RAD51B: variants seen among roughly 807,000 people sequenced by gnomAD.
RAD51B encodes the protein RAD51 paralog B, also known as DNA repair protein RAD51 homolog 2.
In RAD51B, 38 loss-of-function variants were observed where a neutral mutation model predicts 42.2. The observed-to-expected ratio is 0.90, with a 90% CI of 0.70 to 1.18. RAD51B has a LOEUF of 1.18. Ranked by LOEUF, RAD51B falls within the 50% of genes most tolerant of loss-of-function variation. RAD51B has a pLI of 0.00. For missense variants in RAD51B, 373 were observed against 400.7 expected (o/e 0.93, Z 0.59); for synonymous variants, 154 against 145.2 (o/e 1.06, Z -0.43).
chr14:68,366,227 C>G (rs910238240), intron 8 of RAD51B, among the ~76,000 whole-genome samples: 2 of 152,140 alleles, frequency 1.3e-5, no homozygotes, highest in Non-Finnish European at 2.9e-5. Context: ...TTATTCTCAA[C>G]TAAAGTACTG....
intron 7 of RAD51B, among the ~76,000 whole-genome samples, chr14:68,119,267 CTT>C (rs111645280): frequency 2.1e-4 from 28 of 134,972 alleles, no homozygotes; most frequent in African/African-American, 3.8e-4. Context: ...ATGTTAATTT[CTT>C]TTTTTTTTTT....
intron 9 of RAD51B, among the ~76,000 whole-genome samples, chr14:68,416,430 C>A (rs147093581): frequency 6.6e-6 from 1 of 152,088 alleles, no homozygotes; most frequent in African/African-American, 2.4e-5. Flanking sequence ...TGCATACCCT[C>A]AAATGTAAGG....
chr14:68,507,205 TAG>T (rs1464458277), intron 10 of RAD51B, among the ~76,000 whole-genome samples: 1 of 152,136 alleles, frequency 6.6e-6, no homozygotes, highest in Non-Finnish European at 1.5e-5. Context: ...GCTCTAATTT[TAG>T]AATGACCCCC....
At chr14:68,006,564 T>C (rs1040385809) in intron 7 of RAD51B, among the ~76,000 whole-genome samples, 1 of 152,166 alleles carries the variant, frequency 6.6e-6, no homozygotes, top group Admixed American at 6.5e-5. Flanking sequence ...TAGCATACTT[T>C]ACATACTGTT....
Position 68,261,125 on chromosome 14 carries a change from G to T in RAD51B, c.757-30759G>T, listed in dbSNP as rs76641778. 3.4e-3 allele frequency among the ~76,000 whole-genome samples: 519 copies of T among 152,354 alleles called. 10 individuals are homozygous for T. The East Asian group carries it at 0.057, about 17-fold the overall frequency. ...ACGAAGACCCTTGCACCTCCTCAAG[G>T]CTGTGTGCTGTGGATGTTGCAGCTT... On this transcript the variant is annotated intron_variant, in intron 7 of 10. Transcript: ENST00000471583.
At chr14:67,893,516 A>C (rs762864544) in intron 7 of RAD51B, among the ~76,000 whole-genome samples, 10,678 of 102,518 alleles carry the variant, frequency 0.1, 1,371 homozygotes, top group Non-Finnish European at 0.14. Context: ...ACACAAAAAA[A>C]AACAATTAGC....
At chr14:68,121,805 C>A (rs1273597854) in intron 7 of RAD51B, among the ~76,000 whole-genome samples, 1 of 151,970 alleles carries the variant, frequency 6.6e-6, no homozygotes, top group Non-Finnish European at 1.5e-5. Flanking sequence ...GAAAGAAGAA[C>A]ATTGCGGTGG....
At chr14:67,862,196 C>T (rs2042185307) in intron 4 of RAD51B, among the ~76,000 whole-genome samples, 1 of 151,910 alleles carries the variant, frequency 6.6e-6, no homozygotes, top group Non-Finnish European at 1.5e-5. Context: ...CTTGATTTAA[C>T]CATTCTACAG....
intron 7 of RAD51B, among the ~76,000 whole-genome samples, chr14:68,271,850 A>G (rs747120990): frequency 6.6e-6 from 1 of 152,270 alleles, no homozygotes; most frequent in Admixed American, 6.5e-5. Flanking sequence ...TAATTGCTCA[A>G]TAAATGGTGG....
intron 7 of RAD51B, among the ~76,000 whole-genome samples, chr14:68,193,026 T>C (rs1163274535): frequency 1.3e-5 from 2 of 152,198 alleles, no homozygotes; most frequent in Non-Finnish European, 2.9e-5. Flanking sequence ...TTTAAATTCA[T>C]ACTTTTTACT....
intron 7 of RAD51B, among the ~76,000 whole-genome samples, chr14:68,233,158 A>T (rs1310238836): frequency 6.6e-6 from 1 of 152,198 alleles, no homozygotes. Context: ...TAGACAGTAG[A>T]ATTTCATTGT....
At chr14:67,931,491 C>T (rs1379538222) in intron 7 of RAD51B, among the ~76,000 whole-genome samples, 2 of 143,698 alleles carry the variant, frequency 1.4e-5, no homozygotes, top group African/African-American at 2.6e-5. Flanking sequence ...AATTCTTTTT[C>T]TGGGATTTCT....
chr14:68,400,294 C>T (rs1259964340), intron 8 of RAD51B, among the ~76,000 whole-genome samples: 3 of 152,188 alleles, frequency 2.0e-5, no homozygotes, highest in Non-Finnish European at 4.4e-5. Context: ...TAGTTTGAAT[C>T]TTACCCAGAA....
chr14:68,262,512 T>G (rs115499361), intron 7 of RAD51B, among the ~76,000 whole-genome samples: 1,805 of 152,278 alleles, frequency 0.012, 47 homozygotes, highest in African/African-American at 0.041. Flanking sequence ...TTTTAACAGG[T>G]GCAGTTGAAA....
At chr14:68,347,134 G>A (rs989279148) in intron 8 of RAD51B, among the ~76,000 whole-genome samples, 7 of 151,438 alleles carry the variant, frequency 4.6e-5, no homozygotes, top group Admixed American at 2.6e-4. Context: ...GTTTGCTTTC[G>A]CTAGACTGAA....
At chr14:68,559,707 A>G (rs1328524923) in intron 10 of RAD51B, among the ~76,000 whole-genome samples, 1 of 152,154 alleles carries the variant, frequency 6.6e-6, no homozygotes, top group Non-Finnish European at 1.5e-5. Context: ...CCCTGATTTC[A>G]TTAATCAAAG....
At chr14:68,568,470 A>G (rs1222786114) in intron 10 of RAD51B, among the ~76,000 whole-genome samples, 1 of 152,230 alleles carries the variant, frequency 6.6e-6, no homozygotes, top group African/African-American at 2.4e-5. Context: ...GACCATTGGC[A>G]TGATAGGATT....
chr14:67,938,835 C>T (rs1431882729), intron 7 of RAD51B, among the ~76,000 whole-genome samples: 1 of 152,162 alleles, frequency 6.6e-6, no homozygotes. Flanking sequence ...TCATTGCTAC[C>T]TAAGATTTTT....
At chr14:67,895,538 C>G (rs2043384608) in intron 7 of RAD51B, among the ~76,000 whole-genome samples, 1 of 152,162 alleles carries the variant, frequency 6.6e-6, no homozygotes, top group Non-Finnish European at 1.5e-5. Context: ...CTCCTATGCT[C>G]AGAAGCATTG....
Sources: allele counts gnomAD v4.1 joint callset (sites outside exome capture counted in the v4.1 genomes callset), GRCh38; gene constraint gnomAD v4.1.1; transcripts MANE v1.5; gene names NCBI Gene and HGNC (gene_info 2026-07-23, HGNC 2026-07-21).